The following NCALD variants were observed in gnomAD, a reference collection of about 807,000 sequenced individuals.
NCALD encodes neurocalcin delta.
A neutral mutation model predicts 18.6 loss-of-function variants in NCALD; 10 were observed. The ratio of observed to expected loss-of-function variants is 0.54; its 90% CI spans 0.33 to 0.91. The LOEUF (loss-of-function observed/expected upper bound fraction) is 0.91, where lower values mean the gene tolerates loss of function less well. NCALD is among the 40% of genes least tolerant of loss of function. The pLI is 0.03. For missense variants in NCALD, 184 were observed against 247.6 expected (o/e 0.74, Z 1.72); for synonymous variants, 88 against 87.4 (o/e 1.01, Z -0.04).
chr8:102,077,578 T>C (rs1306945496), intron 1 of NCALD, among the ~76,000 whole-genome samples: 2 of 152,220 alleles, frequency 1.3e-5, no homozygotes, highest in African/African-American at 4.8e-5. Flanking sequence ...AATTATACTT[T>C]AGGCAAGTGT....
intron 1 of NCALD, among the ~76,000 whole-genome samples, chr8:101,772,475 G>A (rs866567225): frequency 1.2e-4 from 19 of 152,246 alleles, no homozygotes; most frequent in Middle Eastern, 3.4e-3. Flanking sequence ...TTGGCTTAGC[G>A]AACTCTCCAA....
At chr8:102,097,899 A>G (rs934533565) in intron 1 of NCALD, among the ~76,000 whole-genome samples, 2 of 152,186 alleles carry the variant, frequency 1.3e-5, no homozygotes, top group Admixed American at 6.5e-5. Context: ...ACCAGCAGCC[A>G]ACACAAATCA....
intron 1 of NCALD, among the ~76,000 whole-genome samples, chr8:102,085,083 C>G (rs535566587): frequency 6.6e-6 from 1 of 152,252 alleles, no homozygotes; most frequent in South Asian, 2.1e-4. Context: ...TACATGCACA[C>G]GCCTGGTTGG....
chr8:102,111,693 T>C (rs1825645279), intron 1 of NCALD, among the ~76,000 whole-genome samples: 1 of 152,224 alleles, frequency 6.6e-6, no homozygotes, highest in African/African-American at 2.4e-5. Flanking sequence ...CTCGGATCTC[T>C]AACTGCAGTA....
At chr8:101,715,981 G>A (rs1366345257) in intron 2 of NCALD, among the ~76,000 whole-genome samples, 1 of 152,128 alleles carries the variant, frequency 6.6e-6, no homozygotes, top group African/African-American at 2.4e-5. Context: ...TATACCCAAA[G>A]GATTATAAAT....
chr8:101,858,731 A>C (rs1175357867), intron 4 of NCALD, among the ~76,000 whole-genome samples: 3 of 152,180 alleles, frequency 2.0e-5, no homozygotes, highest in Non-Finnish European at 4.4e-5. Flanking sequence ...AAAATGAACA[A>C]GTGTCTGGAT....
At chr8:101,748,794 G>A (rs150827452) in intron 1 of NCALD, among the ~76,000 whole-genome samples, 93 of 152,274 alleles carry the variant, frequency 6.1e-4, no homozygotes, top group African/African-American at 2.1e-3. Flanking sequence ...CAGAACTCTC[G>A]TTCTAAACCA....
intron 4 of NCALD, among the ~76,000 whole-genome samples, chr8:101,875,370 G>C (rs1816187079): frequency 6.6e-6 from 1 of 152,186 alleles, no homozygotes; most frequent in Admixed American, 6.5e-5. Context: ...CATTCACACA[G>C]GATTTCCCTC....
At chr8:101,829,616 T>C (rs1345994865) in intron 4 of NCALD, among the ~76,000 whole-genome samples, 1 of 151,852 alleles carries the variant, frequency 6.6e-6, no homozygotes. Flanking sequence ...AGTAATTTAA[T>C]TGTTGAGGAA....
intron 1 of NCALD, among the ~76,000 whole-genome samples, chr8:102,122,917 C>T (rs1345405945): frequency 6.6e-6 from 1 of 152,234 alleles, no homozygotes; most frequent in Non-Finnish European, 1.5e-5. Context: ...AGAGATCTGG[C>T]TTGGGTAGGT....
chr8:101,888,946 C>A (rs1816775549), intron 3 of NCALD, among the ~76,000 whole-genome samples: 1 of 152,134 alleles, frequency 6.6e-6, no homozygotes, highest in African/African-American at 2.4e-5. Context: ...TTTTCCCTTA[C>A]AGAATCTTGA....
intron 2 of NCALD, among the ~76,000 whole-genome samples, chr8:101,957,289 GTTTTTTTTTT>G (rs11305701): frequency 9.0e-5 from 9 of 99,498 alleles, no homozygotes; most frequent in African/African-American, 2.0e-4. Flanking sequence ...AAAAGTTGGG[GTTTTTTTTTT>G]TTTTTTTTTT....
At chr8:101,995,061 T>C (rs1563520985) in intron 2 of NCALD, among the ~76,000 whole-genome samples, 2 of 152,216 alleles carry the variant, frequency 1.3e-5, no homozygotes, top group Admixed American at 6.5e-5. Flanking sequence ...GTTTGCTTCT[T>C]CTGAACTCAG....
intron 1 of NCALD, among the ~76,000 whole-genome samples, chr8:102,073,026 A>G (rs983555715): frequency 1.3e-5 from 2 of 152,224 alleles, no homozygotes; most frequent in Non-Finnish European, 1.5e-5. Flanking sequence ...AAGTGCACAT[A>G]AATATGTATG....
At chr8:101,868,483 G>C (rs1303969738) in intron 4 of NCALD, among the ~76,000 whole-genome samples, 1 of 152,108 alleles carries the variant, frequency 6.6e-6, no homozygotes, top group African/African-American at 2.4e-5. Context: ...GTAACAAAAG[G>C]ACCAAAGGTT....
At chr8:102,100,196 C>T (rs982198939) in intron 1 of NCALD, among the ~76,000 whole-genome samples, 4 of 152,134 alleles carry the variant, frequency 2.6e-5, no homozygotes, top group Non-Finnish European at 5.9e-5. Context: ...CTTCAGCATA[C>T]ATAGCACACA....
At chr8:102,038,094 T>C (rs1275537375) in intron 1 of NCALD, among the ~76,000 whole-genome samples, 1 of 152,166 alleles carries the variant, frequency 6.6e-6, no homozygotes, top group Non-Finnish European at 1.5e-5. Flanking sequence ...ATGCTGCTTA[T>C]TACAGGGTTT....
At chr8:101,804,586 A>G (rs1445845109) in intron 4 of NCALD, among the ~76,000 whole-genome samples, 1 of 130,868 alleles carries the variant, frequency 7.6e-6, no homozygotes, top group Non-Finnish European at 1.5e-5. Flanking sequence ...AATTAATTAT[A>G]TAATATATAA....
At chr8:101,789,652 C>G (rs1306197970) in intron 1 of NCALD, among the ~76,000 whole-genome samples, 1 of 152,144 alleles carries the variant, frequency 6.6e-6, no homozygotes, top group East Asian at 1.9e-4. Context: ...TTCATATATA[C>G]AGTTAAACCA....
Sources: allele counts gnomAD v4.1 joint callset (sites outside exome capture counted in the v4.1 genomes callset), GRCh38; gene constraint gnomAD v4.1.1; transcripts MANE v1.5; gene names NCBI Gene and HGNC (gene_info 2026-07-23, HGNC 2026-07-21).